TECTB: variants seen among roughly 807,000 people sequenced by gnomAD.
The protein encoded by TECTB is beta-tectorin.
TECTB carries 45 observed loss-of-function variants against 43.3 expected under a neutral mutation model. That is an observed-to-expected ratio of 1.04 (90% CI 0.82 to 1.33). The LOEUF (loss-of-function observed/expected upper bound fraction) is 1.33. TECTB is among the 40% of genes most tolerant of loss of function. TECTB has a pLI of 0.00. For synonymous variants in TECTB, 169 were observed against 156.7 expected, an observed-to-expected ratio of 1.08 and a Z score of -0.59; for missense variants, 399 against 404.7, an observed-to-expected ratio of 0.99 and a Z score of 0.12.
chr10:112,299,717 G>C (rs1389346126), intron 9 of TECTB, 153 bp downstream of exon 9: 1 of 753,562 alleles, frequency 1.3e-6, no homozygotes, highest in Non-Finnish European at 2.2e-6. Flanking sequence ...CTTCCAGCCA[G>C]GGGTGGGGAA....
In TECTB at chr10:112,284,538, T is replaced by C. The variant is rs1441795894; in HGVS notation, c.80T>C (p.Val27Ala). 1 of 1,605,622 alleles carries C rather than the reference T, an allele frequency of 6.2e-7. No individual in the cohort carries two copies. The highest frequency in any genetic ancestry group is 2.2e-5 in the East Asian group (1 of 44,650). The change falls in exon 3 of 11, where the codon GTC becomes GCC. Residue 27 changes from valine to alanine, a missense_variant. Val to Ala is a moderately conservative substitution (Grantham distance 64). Coordinates refer to ENST00000646139, the MANE Select transcript of TECTB (RefSeq NM_058222.3). Reference sequence around the variant, plus strand: ...ACTATATGTGTGCTCTTTCCAGATGTCATTCTTGTGTTTTGCTATCCCAAA... The same window carrying C: ...ACTATATGTGTGCTCTTTCCAGATGCCATTCTTGTGTTTTGCTATCCCAAA... ...AKSCAPNKAD[V>A]ILVFCYPKTI...
rs777486967 is a variant in TECTB at position 112,286,236 on chromosome 10, G to A, written c.410+23G>A. ...GAGGTAAGTTGCTGTGCGGCATGGA[G>A]GGCTGGCTGCCTCATGTGTGTACTG... On this transcript the variant is annotated intron_variant, in intron 4 of 10. Coordinates refer to ENST00000646139, the MANE Select transcript of TECTB (RefSeq NM_058222.3). The A allele has an allele frequency of 2.2e-5, 35 of 1,614,146 alleles. No individual in the cohort carries two copies. The South Asian group carries it at 3.5e-4, about 16-fold the overall frequency.
chr10:112,289,197 A>G (rs1416878486), intron 5 of TECTB, among the ~76,000 whole-genome samples: 1 of 152,098 alleles, frequency 6.6e-6, no homozygotes, highest in African/African-American at 2.4e-5. Flanking sequence ...GTAGACTTTG[A>G]CTCTATTTAA....
At chr10:112,290,099 A>C (rs931713220) in intron 5 of TECTB, among the ~76,000 whole-genome samples, 2 of 152,146 alleles carry the variant, frequency 1.3e-5, no homozygotes, top group Non-Finnish European at 2.9e-5. Flanking sequence ...TTAAGTTTTA[A>C]ATTGCACACC....
chr10:112,294,101 C>A (rs1848525009), intron 7 of TECTB, 40 bp downstream of exon 7: 4 of 1,582,378 alleles, frequency 2.5e-6, no homozygotes, highest in Non-Finnish European at 3.5e-6. Context: ...ACAGTGGAAC[C>A]AGGCATTTAT....
intron 2 of TECTB, 111 bp downstream of exon 2, chr10:112,283,921 C>T: frequency 8.3e-7 from 1 of 1,200,188 alleles, no homozygotes. Flanking sequence ...ATGATGTAGC[C>T]AAGCAGGAAA....
chr10:112,301,825 CTCAGCCTCCTGAG>C (rs972931734), intron 9 of TECTB, among the ~76,000 whole-genome samples: 1 of 152,150 alleles, frequency 6.6e-6, no homozygotes, highest in African/African-American at 2.4e-5. Context: ...ATTCTCCTGA[CTCAGCCTCCTGAG>C]TAGCTGGGAT....
chr10:112,302,192 T>A (rs1041569877), intron 10 of TECTB, 59 bp downstream of exon 10: 2 of 1,586,094 alleles, frequency 1.3e-6, no homozygotes, highest in Non-Finnish European at 1.7e-6. Flanking sequence ...AGGCAGAGAG[T>A]GTTTTAAGAG....
At chr10:112,285,619 C>T (rs1037388823) in intron 3 of TECTB, among the ~76,000 whole-genome samples, 2 of 152,296 alleles carry the variant, frequency 1.3e-5, no homozygotes, top group Admixed American at 6.5e-5. Context: ...TAGAGCCCAA[C>T]AAGTCAGGCG....
intron 3 of TECTB, among the ~76,000 whole-genome samples, 189 bp downstream of exon 3, chr10:112,284,914 C>T (rs1848441771): frequency 6.6e-6 from 1 of 152,210 alleles, no homozygotes; most frequent in South Asian, 2.1e-4. Context: ...GTTTAGATAA[C>T]TCTTTTGGCT....
At chr10:112,286,814 TG>T (rs1367567193) in intron 5 of TECTB, among the ~76,000 whole-genome samples, 1 of 152,110 alleles carries the variant, frequency 6.6e-6, no homozygotes, top group African/African-American at 2.4e-5. Flanking sequence ...CCCAGCTACT[TG>T]GGAGGCTGCA....
In TECTB at chr10:112,303,334, C is replaced by T; in HGVS notation, c.*22C>T. On this transcript the variant is annotated 3_prime_UTR_variant, in exon 11 of 11. Transcript: ENST00000646139. The stretch of plus-strand genomic sequence containing the variant: ...ATAGGAGTTAGCCAGGCAGCTGCCG[C>T]TCCTCCACCCACAATAGTCCTCAGC... 1 of 1,613,940 alleles carries T rather than the reference C, an allele frequency of 6.2e-7. No homozygotes were observed. The highest frequency in any genetic ancestry group is 8.5e-7 in the Non-Finnish European group (1 of 1,179,810).
chr10:112,292,748 CCA>C (rs1395188155), intron 5 of TECTB, among the ~76,000 whole-genome samples: 5 of 152,176 alleles, frequency 3.3e-5, no homozygotes, highest in African/African-American at 4.8e-5. Flanking sequence ...CCAGCCAGCC[CCA>C]GTCTTCTTGA....
Position 112,293,776 on chromosome 10 carries a change from C to T in TECTB, c.522C>T (p.Val174=). 6.2e-7 allele frequency: 1 copy of T among 1,614,130 alleles called. No homozygotes were observed. Among genetic ancestry groups the T allele is most frequent in the East Asian group, 2.2e-5 (1 of 44,880 alleles). ...KFSIKKEAPF[V]LEASEIGSDL... ...CCATCAAGAAAGAAGCTCCCTTTGT[C>T]CTGGAGGCATCCGAAATCGGTTCAG... Residue 174 remains valine (V), a synonymous_variant, in exon 6 of 11, where the codon GTC becomes GTT. Transcript: ENST00000646139.
At chr10:112,301,204 C>T (rs925876488) in intron 9 of TECTB, among the ~76,000 whole-genome samples, 3 of 152,170 alleles carry the variant, frequency 2.0e-5, no homozygotes, top group Admixed American at 2.0e-4. Context: ...GGGCAGATCA[C>T]CTGAGGTCAG....
In TECTB at chr10:112,298,127, T is replaced by C. The variant is rs760256460; in HGVS notation, c.730T>C (p.Phe244Leu). ...GAATGGGAGAGATCACAGGGCAACC[T>C]TCCAATTCAATGCTTTCCGGTTCCA... ...HENGRDHRAT[F>L]QFNAFRFQNI... Residue 244 changes from phenylalanine (F) to leucine (L), a missense_variant, in exon 8 of 11, where the codon TTC (phenylalanine) becomes CTC (leucine). Phe to Leu is a conservative substitution (Grantham distance 22). Coordinates refer to ENST00000646139, the MANE Select transcript of TECTB (RefSeq NM_058222.3). 5.0e-6 allele frequency: 8 copies of C among 1,614,210 alleles called. No homozygotes were observed. Among genetic ancestry groups the C allele is most frequent in the Non-Finnish European group, 5.9e-6 (7 of 1,180,036 alleles).
At position 112,303,426 on chromosome 10, in the gene TECTB, A is replaced by G. The variant is rs1308536592; in HGVS notation, c.*114A>G. On this transcript the variant is annotated 3_prime_UTR_variant, in exon 11 of 11. Coordinates refer to ENST00000646139, the MANE Select transcript of TECTB (RefSeq NM_058222.3). Reference sequence around the variant, plus strand: ...AGAAGACCACATTGTTGGGGGGCAGAGAATAGCACTTTGCCAAATATGCAC... The same window carrying G: ...AGAAGACCACATTGTTGGGGGGCAGGGAATAGCACTTTGCCAAATATGCAC... 3 of 1,335,646 alleles carry G rather than the reference A, an allele frequency of 2.2e-6. No homozygotes were observed. Among genetic ancestry groups the G allele is most frequent in the Non-Finnish European group, 2.1e-6 (2 of 937,270 alleles). 82.7% of individuals were successfully genotyped at this position (1,335,646 alleles called of 1,614,324 possible).
rs146116385 is a variant in TECTB at position 112,297,257 on chromosome 10, C to T, written c.672-812C>T. 2.9e-3 allele frequency among the ~76,000 whole-genome samples: 443 copies of T among 152,232 alleles called. 6 individuals are homozygous for T. In the South Asian group the frequency reaches 0.042, roughly 14 times the overall value. ...TAGATACCAGCAGCACTTCCCCCAG[C>T]CTGGACAATCACAGTGCCAAATGTC... On this transcript the variant is annotated intron_variant, in intron 7 of 10. Coordinates refer to ENST00000646139, the MANE Select transcript of TECTB (RefSeq NM_058222.3).
chr10:112,292,934 CCCT>C (rs1478198121), intron 5 of TECTB, among the ~76,000 whole-genome samples: 2 of 152,316 alleles, frequency 1.3e-5, no homozygotes, highest in South Asian at 2.1e-4. Context: ...TACATGGCCC[CCCT>C]CCTCACTTCC....
Sources: allele counts gnomAD v4.1 joint callset (sites outside exome capture counted in the v4.1 genomes callset), GRCh38; gene constraint gnomAD v4.1.1; transcripts MANE v1.5; gene names NCBI Gene and HGNC (gene_info 2026-07-23, HGNC 2026-07-21).